The following PCDH7 variants were observed in gnomAD, a reference collection of about 807,000 sequenced individuals.
The protein encoded by PCDH7 is protocadherin 7.
A neutral mutation model predicts 58.9 loss-of-function variants in PCDH7; 17 were observed. The ratio of observed to expected loss-of-function variants is 0.29; its 90% CI spans 0.20 to 0.43. PCDH7 has a LOEUF of 0.43. Ranked by LOEUF, PCDH7 falls within the 20% of genes least tolerant of loss-of-function variation. PCDH7 has a pLI of 1.00. For missense variants in PCDH7, 1,274 were observed against 1,441.0 expected (o/e 0.88, Z 1.88); for synonymous variants, 664 against 616.4 (o/e 1.08, Z -1.14).
At chr4:31,063,752 G>A (rs1351250735) in intron 3 of PCDH7, among the ~76,000 whole-genome samples, 1 of 151,798 alleles carries the variant, frequency 6.6e-6, no homozygotes, top group Non-Finnish European at 1.5e-5. Context: ...AGAGTATAAT[G>A]GTCTCTAAGA....
chr4:31,043,970 C>G (rs1450563314), intron 3 of PCDH7, among the ~76,000 whole-genome samples: 2 of 152,014 alleles, frequency 1.3e-5, no homozygotes, highest in Non-Finnish European at 2.9e-5. Context: ...ATGGAGCTGG[C>G]TGGAAGTAGT....
intron 3 of PCDH7, among the ~76,000 whole-genome samples, chr4:31,050,548 T>C (rs1244620687): frequency 1.3e-5 from 2 of 152,170 alleles, no homozygotes; most frequent in Non-Finnish European, 2.9e-5. Context: ...TGCTTCATTG[T>C]GATTGCCCTT....
intron 2 of PCDH7, among the ~76,000 whole-genome samples, chr4:30,946,526 CTT>C (rs113948298): frequency 1.3e-5 from 2 of 150,746 alleles, no homozygotes; most frequent in African/African-American, 2.4e-5. Context: ...TTTCCATAAA[CTT>C]TTTTTTTTCT....
intron 3 of PCDH7, among the ~76,000 whole-genome samples, chr4:31,034,043 G>A (rs1755181602): frequency 6.6e-6 from 1 of 152,068 alleles, no homozygotes; most frequent in Non-Finnish European, 1.5e-5. Context: ...GCAGTGCGTG[G>A]AAATCACACC....
chr4:30,977,149 A>G (rs888050248), intron 3 of PCDH7, among the ~76,000 whole-genome samples: 3 of 152,220 alleles, frequency 2.0e-5, no homozygotes, highest in Non-Finnish European at 4.4e-5. Context: ...AACAGGTATG[A>G]GAAACAATAC....
At chr4:30,987,385 A>G (rs1402293924) in intron 3 of PCDH7, among the ~76,000 whole-genome samples, 2 of 152,072 alleles carry the variant, frequency 1.3e-5, no homozygotes, top group Non-Finnish European at 2.9e-5. Flanking sequence ...CGACTGCCTC[A>G]AAAGCTTCTA....
intron 1 of PCDH7, among the ~76,000 whole-genome samples, chr4:30,750,899 G>A (rs1718425416): frequency 6.6e-6 from 1 of 151,848 alleles, no homozygotes; most frequent in South Asian, 2.1e-4. Flanking sequence ...TTTTTTCCAG[G>A]ATGTAGAAAG....
chr4:31,067,719 C>T (rs973749171), intron 3 of PCDH7, among the ~76,000 whole-genome samples: 1 of 151,970 alleles, frequency 6.6e-6, no homozygotes, highest in Non-Finnish European at 1.5e-5. Context: ...TTTATGAGCG[C>T]ATAGCCCCTT....
intron 3 of PCDH7, among the ~76,000 whole-genome samples, chr4:31,073,460 T>C (rs768113772): frequency 4.8e-4 from 73 of 152,282 alleles, no homozygotes; most frequent in Non-Finnish European, 9.7e-4. Context: ...CATCATTACT[T>C]AGTCTAATAT....
At chr4:30,881,437 C>T (rs1736963089) in intron 1 of PCDH7, among the ~76,000 whole-genome samples, 1 of 152,110 alleles carries the variant, frequency 6.6e-6, no homozygotes, top group Non-Finnish European at 1.5e-5. Flanking sequence ...AGAACAACTG[C>T]TCACATCTAA....
chr4:30,757,107 G>A (rs1330804537), intron 1 of PCDH7, among the ~76,000 whole-genome samples: 2 of 152,150 alleles, frequency 1.3e-5, no homozygotes, highest in African/African-American at 4.8e-5. Context: ...TATTATAGCA[G>A]TCACCACCTA....
chr4:30,815,917 A>G (rs891672278), intron 1 of PCDH7, among the ~76,000 whole-genome samples: 9 of 152,140 alleles, frequency 5.9e-5, no homozygotes, highest in African/African-American at 1.7e-4. Flanking sequence ...CTGCCCTGCT[A>G]ATGTCTGCCT....
intron 3 of PCDH7, among the ~76,000 whole-genome samples, chr4:31,116,375 T>C (rs1187950513): frequency 6.6e-6 from 1 of 152,226 alleles, no homozygotes; most frequent in African/African-American, 2.4e-5. Flanking sequence ...GAGCATGTGT[T>C]TCATAGAAAT....
intron 3 of PCDH7, among the ~76,000 whole-genome samples, chr4:30,984,970 T>C (rs1560554727): frequency 6.6e-6 from 1 of 151,914 alleles, no homozygotes; most frequent in South Asian, 2.1e-4. Flanking sequence ...CATCTTTTTG[T>C]TGTTGTTGTT....
chr4:30,815,651 C>T (rs1727581154), intron 1 of PCDH7, among the ~76,000 whole-genome samples: 2 of 152,190 alleles, frequency 1.3e-5, no homozygotes, highest in African/African-American at 2.4e-5. Flanking sequence ...ACCAGTTGAG[C>T]GTTCCTAAAG....
At chr4:30,968,272 T>A (rs1251931407) in intron 3 of PCDH7, among the ~76,000 whole-genome samples, 1 of 133,326 alleles carries the variant, frequency 7.5e-6, no homozygotes, top group African/African-American at 2.8e-5. Flanking sequence ...TAAAAATTGA[T>A]CAAAGAAAAA....
intron 3 of PCDH7, among the ~76,000 whole-genome samples, chr4:31,087,370 T>C (rs1049642008): frequency 6.6e-6 from 1 of 152,148 alleles, no homozygotes; most frequent in South Asian, 2.1e-4. Flanking sequence ...TATGAAAAGG[T>C]TGATGAATGA....
chr4:31,112,404 AT>A (rs1435240517), intron 3 of PCDH7, among the ~76,000 whole-genome samples: 1 of 152,226 alleles, frequency 6.6e-6, no homozygotes, highest in Non-Finnish European at 1.5e-5. Context: ...AATGATTTAC[AT>A]TTTCATAAAA....
chr4:30,781,135 T>C (rs1466918507), intron 1 of PCDH7, among the ~76,000 whole-genome samples: 1 of 152,174 alleles, frequency 6.6e-6, no homozygotes, highest in Non-Finnish European at 1.5e-5. Context: ...ATGGTATTCT[T>C]TCTAATGAAT....
Sources: gnomAD v4.1 joint callset for allele counts (sites outside exome capture counted in the v4.1 genomes callset) on GRCh38, gnomAD v4.1.1 for gene constraint, MANE v1.5 for transcripts, NCBI Gene and HGNC (gene_info 2026-07-23, HGNC 2026-07-21) for gene names.